The following KHDRBS2 variants were observed in gnomAD, a reference collection of about 807,000 sequenced individuals.
The protein encoded by KHDRBS2 is KH domain-containing, RNA-binding, signal transduction-associated protein 2.
A neutral mutation model predicts 44.3 loss-of-function variants in KHDRBS2; 26 were observed. The observed-to-expected ratio is 0.59, with a 90% CI of 0.43 to 0.81. The LOEUF (loss-of-function observed/expected upper bound fraction) is 0.81. Among genes scored for constraint, KHDRBS2 ranks in the 40% least tolerant of loss-of-function variants. The pLI, the probability that KHDRBS2 is intolerant of heterozygous loss-of-function variation, is 0.00. For synonymous variants in KHDRBS2, 194 were observed against 151.1 expected, an observed-to-expected ratio of 1.28 and a Z score of -2.08; for missense variants, 476 against 433.1, an observed-to-expected ratio of 1.10 and a Z score of -0.88.
chr6:61,829,072 A>G (rs1418696473), intron 6 of KHDRBS2, among the ~76,000 whole-genome samples: 5 of 152,214 alleles, frequency 3.3e-5, no homozygotes, highest in African/African-American at 4.8e-5. Flanking sequence ...TAATTTTCTA[A>G]TATCTATTAA....
chr6:62,277,085 A>C (rs1362758103), intron 1 of KHDRBS2, among the ~76,000 whole-genome samples: 1 of 152,140 alleles, frequency 6.6e-6, no homozygotes, highest in Non-Finnish European at 1.5e-5. Flanking sequence ...TAATAATGAT[A>C]AATCTCTCAT....
chr6:62,154,591 C>A (rs1413824685), intron 2 of KHDRBS2, among the ~76,000 whole-genome samples: 1 of 151,936 alleles, frequency 6.6e-6, no homozygotes, highest in Non-Finnish European at 1.5e-5. Flanking sequence ...TCCTTAGTTT[C>A]TCCTATTCAT....
intron 2 of KHDRBS2, among the ~76,000 whole-genome samples, chr6:62,168,355 A>G (rs1171442607): frequency 6.6e-6 from 1 of 152,274 alleles, no homozygotes; most frequent in Admixed American, 6.5e-5. Flanking sequence ...TTCTAAAAGT[A>G]CATCAAAGAG....
the KHDRBS2 span, among the ~76,000 whole-genome samples, chr6:61,547,910 G>A: frequency 1.3e-5 from 2 of 152,090 alleles, no homozygotes; most frequent in Non-Finnish European, 2.9e-5. Flanking sequence ...TTATAGACAA[G>A]GGCTTGGAAT....
At chr6:62,218,014 T>C (rs1297172241) in intron 1 of KHDRBS2, among the ~76,000 whole-genome samples, 1 of 151,782 alleles carries the variant, frequency 6.6e-6, no homozygotes, top group East Asian at 1.9e-4. Flanking sequence ...GAAGAGTGAC[T>C]CTGGAGAGAT....
chr6:62,013,137 A>G (rs1780604022), intron 3 of KHDRBS2, among the ~76,000 whole-genome samples: 2 of 152,216 alleles, frequency 1.3e-5, no homozygotes, highest in South Asian at 4.1e-4. Flanking sequence ...ATGAGATCCT[A>G]TGGAGCCCAT....
intron 7 of KHDRBS2, among the ~76,000 whole-genome samples, chr6:61,699,436 T>C (rs1768315624): frequency 6.6e-6 from 1 of 152,064 alleles, no homozygotes; most frequent in South Asian, 2.1e-4. Flanking sequence ...TCTTAATTTA[T>C]AAGTTACCTC....
chr6:61,893,515 A>T (rs1168995662), intron 6 of KHDRBS2, among the ~76,000 whole-genome samples: 1 of 152,210 alleles, frequency 6.6e-6, no homozygotes, highest in Non-Finnish European at 1.5e-5. Context: ...TCCAACAATG[A>T]TAGACTGGAT....
At chr6:61,790,950 T>C (rs972079715) in intron 6 of KHDRBS2, among the ~76,000 whole-genome samples, 35 of 151,624 alleles carry the variant, frequency 2.3e-4, no homozygotes, top group Admixed American at 2.2e-3. Flanking sequence ...TTAACAGCTA[T>C]AGGGTCACTT....
intron 4 of KHDRBS2, among the ~76,000 whole-genome samples, chr6:61,904,583 A>T (rs1804625845): frequency 6.6e-6 from 1 of 152,112 alleles, no homozygotes; most frequent in East Asian, 1.9e-4. Flanking sequence ...TGCTACCCAA[A>T]AGCTTCTCCC....
At chr6:62,065,717 G>A (rs1463722481) in intron 2 of KHDRBS2, among the ~76,000 whole-genome samples, 3 of 149,618 alleles carry the variant, frequency 2.0e-5, no homozygotes, top group Non-Finnish European at 4.4e-5. Context: ...GCACCAGCAT[G>A]GCACATGTAT....
In KHDRBS2 at chr6:62,007,302, T is replaced by C. The variant is rs141475313; in HGVS notation, c.337-29090A>G. Among the ~76,000 whole-genome samples, 639 of 152,194 alleles carry C rather than the reference T, an allele frequency of 4.2e-3. 6 individuals are homozygous for C. The highest frequency in any genetic ancestry group is 5.3e-3 in the Non-Finnish European group (358 of 67,950). ...AGTTTTCTGTTTAAACAGTTTGTTGTCCAGTAAAGGTCCAGTTCTGAGGAC... is the reference window on the plus strand; with the variant it reads ...AGTTTTCTGTTTAAACAGTTTGTTGCCCAGTAAAGGTCCAGTTCTGAGGAC... On this transcript the variant is annotated intron_variant, in intron 3 of 8. Transcript: ENST00000281156.
intron 1 of KHDRBS2, among the ~76,000 whole-genome samples, chr6:62,202,295 A>C (rs1223435686): frequency 6.6e-6 from 1 of 152,088 alleles, no homozygotes; most frequent in Admixed American, 6.6e-5. Context: ...TGACCTTCCA[A>C]TCCAACTCAT....
chr6:61,621,078 C>A, the KHDRBS2 span, among the ~76,000 whole-genome samples: 2 of 152,226 alleles, frequency 1.3e-5, no homozygotes, highest in East Asian at 1.9e-4. Context: ...AGAAAGGATG[C>A]AATATGATGG....
intron 1 of KHDRBS2, among the ~76,000 whole-genome samples, chr6:62,190,816 T>A (rs540363587): frequency 6.6e-6 from 1 of 152,076 alleles, no homozygotes; most frequent in African/African-American, 2.4e-5. Context: ...GAGCAAGAGT[T>A]ACTCCCTGGT....
intron 6 of KHDRBS2, among the ~76,000 whole-genome samples, chr6:61,881,670 C>T (rs1276509287): frequency 6.6e-6 from 1 of 151,986 alleles, no homozygotes; most frequent in Non-Finnish European, 1.5e-5. Flanking sequence ...AGGAATCCTC[C>T]TAATCTCTAA....
At chr6:61,801,429 A>G (rs1052675794) in intron 6 of KHDRBS2, among the ~76,000 whole-genome samples, 3 of 152,176 alleles carry the variant, frequency 2.0e-5, no homozygotes, top group African/African-American at 7.2e-5. Context: ...TAAGCTGAGC[A>G]TTAATGATTA....
intron 3 of KHDRBS2, among the ~76,000 whole-genome samples, chr6:61,979,360 TAA>T (rs2127404035): frequency 6.6e-6 from 1 of 152,270 alleles, no homozygotes; most frequent in South Asian, 2.1e-4. Flanking sequence ...TTTCAAAAAA[TAA>T]AACTAAACAT....
chr6:61,881,321 A>G (rs1800178846), intron 6 of KHDRBS2, among the ~76,000 whole-genome samples: 1 of 151,040 alleles, frequency 6.6e-6, no homozygotes, highest in Admixed American at 6.6e-5. Flanking sequence ...TTAGTCAGTT[A>G]CTCTCCTAAC....
Sources: allele counts gnomAD v4.1 joint callset (sites outside exome capture counted in the v4.1 genomes callset), GRCh38; gene constraint gnomAD v4.1.1; transcripts MANE v1.5; gene names NCBI Gene and HGNC (gene_info 2026-07-23, HGNC 2026-07-21).